Variants in STOML3 observed in about 807,000 individuals in gnomAD.
The protein encoded by STOML3 is stomatin like 3.
In STOML3, 31 loss-of-function variants were observed where a neutral mutation model predicts 29.5. That is an observed-to-expected ratio of 1.05 (90% confidence interval 0.79 to 1.42). STOML3 has a LOEUF of 1.42. Among genes scored for constraint, STOML3 ranks in the 40% most tolerant of loss-of-function variants. STOML3 has a pLI of 0.00. For synonymous variants in STOML3, 122 were observed against 139.8 expected, an observed-to-expected ratio of 0.87 and a Z score of 0.90; for missense variants, 380 against 363.0, an observed-to-expected ratio of 1.05 and a Z score of -0.38.
chr13:38,980,241 G>A lies in STOML3; in HGVS notation c.53-3444C>T, dbSNP rs1012834637. The A allele has an allele frequency of 8.5e-6, 9 of 1,063,300 alleles. No homozygotes were observed. The Admixed American group carries it at 1.5e-4, about 18-fold the overall frequency. The allele number at this position is 1,063,300 out of a possible 1,614,324, so 65.9% of individuals were successfully genotyped here. A position where few individuals can be genotyped will look rare whatever the true frequency, so the allele number is the denominator to read the frequency against. On this transcript the variant is annotated intron_variant, in intron 1 of 6. Coordinates refer to ENST00000379631, the MANE Select transcript of STOML3 (RefSeq NM_145286.3). Reference sequence around the variant, plus strand: ...CTGGGAGAATTGGTGGAGCCTGGGGGTCTCATTAGCTGCCAGTTAAAGTGG... The same window carrying A: ...CTGGGAGAATTGGTGGAGCCTGGGGATCTCATTAGCTGCCAGTTAAAGTGG...
intron 1 of STOML3, among the ~76,000 whole-genome samples, chr13:38,988,770 A>G (rs1239310816): frequency 1.4e-5 from 2 of 142,914 alleles, no homozygotes; most frequent in Non-Finnish European, 3.0e-5. Flanking sequence ...AGGTATATCA[A>G]GTATTCATAA....
chr13:38,988,159 TTA>T (rs1413880500), intron 1 of STOML3, among the ~76,000 whole-genome samples: 2 of 97,174 alleles, frequency 2.1e-5, no homozygotes, highest in Admixed American at 1.7e-4. Context: ...ATCATATATT[TTA>T]TATATAATAT....
At chr13:38,977,193 C>T (rs1014057945) in intron 1 of STOML3, among the ~76,000 whole-genome samples, 15 of 152,156 alleles carry the variant, frequency 9.9e-5, no homozygotes, top group Middle Eastern at 3.2e-3. Context: ...TCAAAGCACC[C>T]TTTAAGGCAG....
At chr13:38,973,406 T>C (rs573963982) in intron 3 of STOML3, among the ~76,000 whole-genome samples, 16 of 152,366 alleles carry the variant, frequency 1.1e-4, no homozygotes, top group African/African-American at 2.6e-4. Flanking sequence ...CAGAAGTTTA[T>C]TTCATATAGT....
intron 3 of STOML3, among the ~76,000 whole-genome samples, 154 bp from the exon 4 acceptor site, chr13:38,972,748 T>A (rs1880925103): frequency 6.6e-6 from 1 of 152,182 alleles, no homozygotes. Context: ...AATGATTTCA[T>A]CCTCTAGGTC....
rs1275167746 is a variant in STOML3, at chr13:38,976,742, G to A, written c.108C>T (p.Phe36=). Residue 36 remains phenylalanine, a synonymous_variant, in exon 2 of 7, where the codon TTC becomes TTT. Coordinates refer to ENST00000379631, the MANE Select transcript of STOML3 (RefSeq NM_145286.3). ...TGGGGAAGGTAATGATCACCAACAG[G>A]AAAGAGAGGGAAAACAGGATCCAGC... ...VCGWILFSLS[F]LLVIITFPIS... is the part of the protein sequence containing the mutation. The A allele has an allele frequency of 1.2e-6, 2 of 1,614,022 alleles. No individual in the cohort carries two copies. The highest frequency in any genetic ancestry group is 1.3e-5 in the African/African-American group (1 of 75,020).
At chr13:38,975,542 C>A (rs1174057735) in intron 3 of STOML3, among the ~76,000 whole-genome samples, 3 of 151,966 alleles carry the variant, frequency 2.0e-5, no homozygotes, top group African/African-American at 7.3e-5. Flanking sequence ...ATAATGGGGG[C>A]AGAAAGCAAA....
At position 38,967,818 on chromosome 13, in the gene STOML3, G is replaced by T. The variant is rs1264555845; in HGVS notation, c.651+582C>A. On this transcript the variant is annotated intron_variant, in intron 6 of 6. Coordinates refer to ENST00000379631, the MANE Select transcript of STOML3 (RefSeq NM_145286.3). Reference sequence around the variant, plus strand: ...ATCCCAGTAGATTTCTGATACTTCAGGAAAGTTATCCACACAGGCATGAAA... The same window carrying T: ...ATCCCAGTAGATTTCTGATACTTCATGAAAGTTATCCACACAGGCATGAAA... Among the ~76,000 whole-genome samples the T allele has an allele frequency of 2.0e-5, 3 of 152,310 alleles. No homozygotes were observed. The South Asian group carries it at 6.2e-4, about 32-fold the overall frequency.
chr13:38,971,781 T>C (rs1880876771), intron 4 of STOML3, among the ~76,000 whole-genome samples: 1 of 151,958 alleles, frequency 6.6e-6, no homozygotes, highest in African/African-American at 2.4e-5. Flanking sequence ...AAAAATTAGC[T>C]GGGCGTGGTG....
chr13:38,975,283 T>C (rs1881029374), intron 3 of STOML3, among the ~76,000 whole-genome samples: 1 of 148,976 alleles, frequency 6.7e-6, no homozygotes, highest in South Asian at 2.1e-4. Flanking sequence ...ATCACGCCAC[T>C]GCACTCCAGC....
In STOML3 at chr13:38,966,682, G is replaced by T; in HGVS notation, c.*143C>A. 1 of 712,864 alleles carries T rather than the reference G, an allele frequency of 1.4e-6. No homozygotes were observed. The highest frequency in any genetic ancestry group is 2.4e-6 in the Non-Finnish European group (1 of 423,642). 44.2% of individuals were successfully genotyped at this position (712,864 alleles called of 1,614,324 possible). The stretch of plus-strand genomic sequence containing the variant: ...TTTTTTCTTCTCTGTATAGCCTCTA[G>T]AGCTTTTTCCTGCCAATGCTCTTCC... On this transcript the variant is annotated 3_prime_UTR_variant, in exon 7 of 7. Coordinates refer to ENST00000379631, the MANE Select transcript of STOML3 (RefSeq NM_145286.3).
chr13:38,976,771 A>G lies in STOML3; in HGVS notation c.79T>C (p.Cys27Arg), dbSNP rs754808671. Reference sequence around the variant, plus strand: ...GAGAGGGAAAACAGGATCCAGCCACATACACCAAGCCGTTTATTGTTGACA... The same window carrying G: ...GAGAGGGAAAACAGGATCCAGCCACGTACACCAAGCCGTTTATTGTTGACA... ...VGVNNKRLGV[C>R]GWILFSLSFL... The change falls in exon 2 of 7, where the codon TGT becomes CGT. Residue 27 changes from cysteine to arginine, a missense_variant. By Grantham distance (180) the Cys-to-Arg change is radical. Transcript: ENST00000379631. The G allele has an allele frequency of 1.9e-6, 3 of 1,613,946 alleles. No homozygotes were observed. Among genetic ancestry groups the G allele is most frequent in the East Asian group, 2.2e-5 (1 of 44,868 alleles).
In STOML3 at chr13:38,970,388, T is replaced by A; in HGVS notation, c.313A>T (p.Ile105Phe). 6.2e-7 allele frequency: 1 copy of A among 1,613,776 alleles called. No individual in the cohort carries two copies. Among genetic ancestry groups the A allele is most frequent in the Non-Finnish European group, 8.5e-7 (1 of 1,179,752 alleles). ...GTAGTTACGGAGTCTCTGGTGAGGATCTGTGGAGTAAGAACAGGGCAAAAT... is the reference window on the plus strand; with the variant it reads ...GTAGTTACGGAGTCTCTGGTGAGGAACTGTGGAGTAAGAACAGGGCAAAAT... ...TVTCNIPPQE[I>F]LTRDSVTTQV... The change falls in exon 5 of 7, where the codon ATC (isoleucine) becomes TTC (phenylalanine). Residue 105 changes from isoleucine to phenylalanine, a missense_variant and splice_region_variant. Physicochemically the swap from Ile to Phe is conservative, Grantham distance 21. Transcript: ENST00000379631.
intron 3 of STOML3, among the ~76,000 whole-genome samples, chr13:38,975,560 A>T (rs1881044103): frequency 6.6e-6 from 1 of 152,178 alleles, no homozygotes; most frequent in Admixed American, 6.5e-5. Context: ...AAATGTTATC[A>T]GAGAAATATA....
chr13:38,977,653 C>T (rs1222246383), intron 1 of STOML3, among the ~76,000 whole-genome samples: 1 of 151,376 alleles, frequency 6.6e-6, no homozygotes, highest in Non-Finnish European at 1.5e-5. Flanking sequence ...ATGAATATTG[C>T]TTTGCAATAA....
intron 5 of STOML3, 121 bp downstream of exon 5, chr13:38,970,064 G>C: frequency 1.2e-6 from 1 of 817,964 alleles, no homozygotes; most frequent in Non-Finnish European, 2.0e-6. Context: ...AGTTGTCTGT[G>C]TGTGAGTGTG....
chr13:38,966,893 T>C lies in STOML3; in HGVS notation c.808A>G (p.Met270Val), dbSNP rs149886487. The C allele has an allele frequency of 7.6e-5, 123 of 1,613,920 alleles. No homozygotes were observed. In the African/African-American group the frequency reaches 1.4e-3, roughly 19 times the overall value. ...CCACCAATGCCCTCTAGTATATTCATGGGCAGAGGAAACACAATCGTAGAA... is the reference window on the plus strand; with the variant it reads ...CCACCAATGCCCTCTAGTATATTCACGGGCAGAGGAAACACAATCGTAGAA... ...KNSTIVFPLP[M>V]NILEGIGGVS... Residue 270 changes from methionine to valine, a missense_variant, in exon 7 of 7, where the codon ATG becomes GTG. Met to Val is a conservative substitution (Grantham distance 21, BLOSUM62 1). Transcript: ENST00000379631.
chr13:38,971,303 G>A (rs1880858113), intron 4 of STOML3, among the ~76,000 whole-genome samples: 1 of 152,176 alleles, frequency 6.6e-6, no homozygotes, highest in Admixed American at 6.5e-5. Context: ...AAAGTGCTAT[G>A]ATTACAGGCG....
At chr13:38,984,801 G>A (rs1868444785) in intron 1 of STOML3, among the ~76,000 whole-genome samples, 1 of 152,144 alleles carries the variant, frequency 6.6e-6, no homozygotes, top group South Asian at 2.1e-4. Context: ...ATAGGACCTT[G>A]TAATTTGTAG....
Sources: gnomAD v4.1 joint callset for allele counts (sites outside exome capture counted in the v4.1 genomes callset) on GRCh38, gnomAD v4.1.1 for gene constraint, MANE v1.5 for transcripts, NCBI Gene and HGNC (gene_info 2026-07-23, HGNC 2026-07-21) for gene names.